The following ADGRB1 variants were observed in gnomAD, a reference collection of about 807,000 sequenced individuals.
The protein encoded by ADGRB1 is adhesion G protein-coupled receptor B1, also known as brain-specific angiogenesis inhibitor 1.
A neutral mutation model predicts 175.7 loss-of-function variants in ADGRB1; 36 were observed. The observed-to-expected ratio is 0.20, with a 90% CI of 0.16 to 0.27. The LOEUF (loss-of-function observed/expected upper bound fraction) is 0.27, where lower values mean the gene tolerates loss of function less well. ADGRB1 is among the 10% of genes least tolerant of loss of function. The pLI, the probability that ADGRB1 is intolerant of heterozygous loss-of-function variation, is 1.00. For missense variants in ADGRB1, 1,731 were observed against 2,255.3 expected (o/e 0.77, Z 4.71); for synonymous variants, 1,054 against 979.4 (o/e 1.08, Z -1.42).
rs1845407455 is a variant in ADGRB1, at chr8:142,543,482, G to T, written c.4449+44G>T. ...CCCCACCAGACACTTAGGGCCAGAT[G>T]TGCTCTGGGCTCCCACACGGCCAGG... On this transcript the variant is annotated intron_variant, in intron 29 of 30. Coordinates refer to ENST00000517894, the MANE Select transcript of ADGRB1 (RefSeq NM_001702.3). The surrounding 1 kb of genome is among the most constrained non-coding windows in gnomAD (Gnocchi z 4.4). The T allele has an allele frequency of 6.2e-7, 1 of 1,612,504 alleles. No homozygotes were observed. The highest frequency in any genetic ancestry group is 8.5e-7 in the Non-Finnish European group (1 of 1,179,230).
At chr8:142,458,369 G>A (rs555230279) in intron 1 of ADGRB1, among the ~76,000 whole-genome samples, 14 of 152,302 alleles carry the variant, frequency 9.2e-5, no homozygotes, top group Non-Finnish European at 1.8e-4. Context: ...GGATGGCGGC[G>A]GGAGGCGGGT....
intron 17 of ADGRB1, among the ~76,000 whole-genome samples, chr8:142,509,320 A>T (rs1035657942): frequency 1.3e-5 from 2 of 152,204 alleles, no homozygotes; most frequent in African/African-American, 4.8e-5. Context: ...TTTAAAGATG[A>T]GGAGACTGAA....
chr8:142,509,116 T>G (rs989026409), intron 17 of ADGRB1, among the ~76,000 whole-genome samples: 1 of 152,220 alleles, frequency 6.6e-6, no homozygotes, highest in Non-Finnish European at 1.5e-5. Flanking sequence ...AGCATGTCCC[T>G]TCTCCCCTGG....
At chr8:142,529,055 G>A (rs559185186) in intron 24 of ADGRB1, among the ~76,000 whole-genome samples, 196 of 152,370 alleles carry the variant, frequency 1.3e-3, no homozygotes, top group African/African-American at 4.4e-3. Context: ...GCCCAGGATG[G>A]CTGATGCCTG....
chr8:142,500,053 C>T (rs1445584457), intron 17 of ADGRB1, among the ~76,000 whole-genome samples: 1 of 152,154 alleles, frequency 6.6e-6, no homozygotes, highest in Admixed American at 6.5e-5. Context: ...ATGTCTGAGC[C>T]TCCCTCAGCA....
intron 13 of ADGRB1, among the ~76,000 whole-genome samples, chr8:142,485,327 C>T (rs1426419507): frequency 6.6e-6 from 1 of 152,328 alleles, no homozygotes. Context: ...ACTGTTACTA[C>T]AGTGCCCTCA....
rs962941089 is a variant in ADGRB1, at chr8:142,493,387, A to G, written c.2675+2572A>G. On this transcript the variant is annotated intron_variant, in intron 17 of 30. Coordinates refer to ENST00000517894, the MANE Select transcript of ADGRB1 (RefSeq NM_001702.3). This position sits in a 1 kb window ranked among gnomAD's most constrained non-coding sequence, Gnocchi z 5.0. The stretch of plus-strand genomic sequence containing the variant: ...GCAGCAGGACGGCGGTCAAGTCCCC[A>G]GGGTGTTTGGCGTCCGCGTGGCCTC... Among the ~76,000 whole-genome samples the G allele has an allele frequency of 8.6e-5, 13 of 152,036 alleles. No homozygotes were observed. The highest frequency in any genetic ancestry group is 4.6e-4 in the Admixed American group (7 of 15,294).
chr8:142,477,321 C>G lies in ADGRB1; in HGVS notation c.1222+43C>G, dbSNP rs546439823. On this transcript the variant is annotated intron_variant, in intron 5 of 30. Transcript: ENST00000517894. ...CTGGGGCAGCGGACAGCCAGGGCAGCGGGGGGCCAGGGCAGCGGGGGCGGT... is the reference window on the plus strand; with the variant it reads ...CTGGGGCAGCGGACAGCCAGGGCAGGGGGGGGCCAGGGCAGCGGGGGCGGT... 2.7e-5 allele frequency: 42 copies of G among 1,582,446 alleles called. No homozygotes were observed. The South Asian group carries it at 4.5e-4, about 17-fold the overall frequency.
chr8:142,542,322 C>T lies in ADGRB1; in HGVS notation c.4088C>T (p.Pro1363Leu), dbSNP rs750134531. ...CTGCGGCCCAAGCCCAAGGAGGAGC[C>T]CAAGTACAGCATCCACATTGACCAG... ...ATLRPKPKEE[P>L]KYSIHIDQMP... The change falls in exon 28 of 31, where the codon CCC becomes CTC. Residue 1363 changes from proline to leucine, a missense_variant. Pro to Leu is a moderately conservative substitution (Grantham distance 98). Coordinates refer to ENST00000517894, the MANE Select transcript of ADGRB1 (RefSeq NM_001702.3). The surrounding 1 kb of genome is among the most constrained non-coding windows in gnomAD (Gnocchi z 6.3). The T allele has an allele frequency of 6.2e-7, 1 of 1,612,480 alleles. No individual in the cohort carries two copies. The highest frequency in any genetic ancestry group is 8.5e-7 in the Non-Finnish European group (1 of 1,179,604).
intron 24 of ADGRB1, among the ~76,000 whole-genome samples, chr8:142,528,859 G>A (rs541314472): frequency 9.3e-4 from 141 of 152,338 alleles, no homozygotes; most frequent in African/African-American, 2.6e-3. Flanking sequence ...ACAAGGCACC[G>A]CGGGTGCAGG....
At chr8:142,477,028 G>A in intron 4 of ADGRB1, 86 bp from the exon 5 acceptor site, 3 of 1,421,114 alleles carry the variant, frequency 2.1e-6, no homozygotes, top group Non-Finnish European at 9.2e-7. Context: ...TCCCCAGCAG[G>A]GCAGCCCTCC....
intron 18 of ADGRB1, among the ~76,000 whole-genome samples, chr8:142,513,749 C>T (rs1029727426): frequency 2.6e-5 from 4 of 152,000 alleles, no homozygotes; most frequent in Non-Finnish European, 4.4e-5. Flanking sequence ...GAGGGGTGTG[C>T]AGGAGTTTAC....
intron 12 of ADGRB1, 104 bp downstream of exon 12, chr8:142,484,149 T>A (rs1438677650): frequency 1.0e-6 from 1 of 980,686 alleles, no homozygotes; most frequent in East Asian, 2.4e-5. Context: ...CGCCGGGTGC[T>A]CTGGGTTTGG....
chr8:142,539,359 G>C lies in ADGRB1; in HGVS notation c.3667-15G>C. 6.3e-7 allele frequency: 1 copy of C among 1,579,636 alleles called. No homozygotes were observed. The highest frequency in any genetic ancestry group is 8.6e-7 in the Non-Finnish European group (1 of 1,163,594). ...CCAGAGGCGCTCACCCTGCCCTGTT[G>C]TCTCTGTCCTACAGACCGACTTCGA... On this transcript the variant is annotated splice_polypyrimidine_tract_variant and intron_variant, in intron 26 of 30. Transcript: ENST00000517894.
chr8:142,526,425 G>A (rs1444355225), intron 23 of ADGRB1, 117 bp from the exon 24 acceptor site: 5 of 907,668 alleles, frequency 5.5e-6, no homozygotes, highest in South Asian at 2.9e-5. Flanking sequence ...CACGGGAGGT[G>A]ACCCTGGGTG....
intron 3 of ADGRB1, 117 bp from the exon 4 acceptor site, chr8:142,476,468 C>G (rs1301915371): frequency 1.1e-6 from 1 of 897,770 alleles, no homozygotes; most frequent in Non-Finnish European, 1.8e-6. Flanking sequence ...TCCCTGGCTC[C>G]CAGCTGCCCA....
chr8:142,463,084 TTC>T (rs1563677636), intron 1 of ADGRB1, among the ~76,000 whole-genome samples: 1 of 152,208 alleles, frequency 6.6e-6, no homozygotes, highest in Non-Finnish European at 1.5e-5. Flanking sequence ...AAATTATGGA[TTC>T]TCTCTGTGTC....
intron 15 of ADGRB1, 77 bp downstream of exon 15, chr8:142,489,187 G>A (rs545952197): frequency 1.1e-5 from 17 of 1,551,354 alleles, no homozygotes; most frequent in Middle Eastern, 1.7e-4. Flanking sequence ...AGGATGTGAA[G>A]GGGGAGGCCA....
intron 24 of ADGRB1, among the ~76,000 whole-genome samples, chr8:142,528,149 G>A (rs985303231): frequency 1.3e-5 from 2 of 152,222 alleles, no homozygotes; most frequent in Admixed American, 6.5e-5. Context: ...GCACACACAC[G>A]TGGGCATACA....
Sources: allele counts gnomAD v4.1 joint callset (sites outside exome capture counted in the v4.1 genomes callset), GRCh38; gene constraint gnomAD v4.1.1; non-coding constraint Gnocchi (gnomAD v3.1); transcripts MANE v1.5; gene names NCBI Gene and HGNC (gene_info 2026-07-23, HGNC 2026-07-21).